Variants in NR1I3 observed in about 807,000 individuals in gnomAD.
NR1I3 encodes nuclear receptor subfamily 1 group I member 3, also known as constitutive activator of retinoid response.
NR1I3 carries 30 observed loss-of-function variants against 38.4 expected under a neutral mutation model. The observed-to-expected ratio is 0.78, with a 90% CI of 0.58 to 1.06. The LOEUF is 1.06. Among genes scored for constraint, NR1I3 ranks in the 50% least tolerant of loss-of-function variants. The pLI is 0.00. For synonymous variants in NR1I3, 143 were observed against 165.1 expected (o/e 0.87, Z 1.03); for missense variants, 388 against 435.7 (o/e 0.89, Z 0.97).
At chr1:161,237,974 A>C (rs1245838451) in intron 1 of NR1I3, 67 bp downstream of exon 1, 7 of 1,486,754 alleles carry the variant, frequency 4.7e-6, no homozygotes, top group Non-Finnish European at 6.6e-6. Context: ...GTGAGCCACT[A>C]TGCCTAGCCC....
At position 161,231,187 on chromosome 1, in the gene NR1I3, T is replaced by C. The variant is rs1190571480; in HGVS notation, c.741A>G (p.Gly247=). ...EFLELLFHFH[G]TLRKLQLQEP... is the part of the protein sequence containing the mutation. ...CTTGGAGCTGCAGTTTTCGTAGTGT[T>C]CCATGGAAGTGAAAGAGCAACTCCA... The change falls in exon 7 of 9, where the codon GGA becomes GGG. Residue 247 remains glycine (G), a synonymous_variant. Coordinates refer to ENST00000367983, the MANE Select transcript of NR1I3 (RefSeq NM_005122.5). The C allele has an allele frequency of 1.9e-6, 3 of 1,614,044 alleles. 1 individual carries two copies. In the South Asian group the frequency reaches 3.3e-5, roughly 18 times the overall value.
Position 161,235,937 on chromosome 1 carries a change from C to T in NR1I3, c.148G>A (p.Ala50Thr), listed in dbSNP as rs752292550. Reference protein sequence around the residue: ...SKSIGPTCPFAGSCEVSKTQR... With the variant: ...SKSIGPTCPFTGSCEVSKTQR... ...GTCTTGCTGACTTCACAGCTTCCAG[C>T]AAAGGGGCAGGTGGGACCAATGCTT... Residue 50 changes from alanine (A) to threonine (T), a missense_variant, in exon 3 of 9, where the codon GCT (alanine) becomes ACT (threonine). By Grantham distance (58) the Ala-to-Thr change is moderately conservative. Coordinates refer to ENST00000367983, the MANE Select transcript of NR1I3 (RefSeq NM_005122.5). The T allele has an allele frequency of 6.2e-7, 1 of 1,611,606 alleles. No individual in the cohort carries two copies. The highest frequency in any genetic ancestry group is 1.1e-5 in the South Asian group (1 of 90,712).
chr1:161,233,885 GTGTATA>G (rs1355353143), intron 3 of NR1I3, among the ~76,000 whole-genome samples: 19 of 115,616 alleles, frequency 1.6e-4, no homozygotes, highest in African/African-American at 4.0e-4. Context: ...GTGTGTGTGT[GTGTATA>G]TGTGTGTGTA....
At chr1:161,236,182 G>T (rs1668577152) in intron 2 of NR1I3, 1 of 661,444 alleles carries the variant, frequency 1.5e-6, no homozygotes, top group East Asian at 2.8e-5. Flanking sequence ...AGTTGATGTA[G>T]TACTAGCTAG....
chr1:161,230,587 T>TA (rs66513069), intron 8 of NR1I3: 1,640 of 538,458 alleles, frequency 3.0e-3, no homozygotes, highest in Middle Eastern at 4.6e-3. Context: ...CTGTACTGAA[T>TA]AAAAAAAAAA....
At position 161,231,232 on chromosome 1, in the gene NR1I3, C is replaced by T; in HGVS notation, c.696G>A (p.Val232=). 6.2e-7 allele frequency: 1 copy of T among 1,614,126 alleles called. No homozygotes were observed. The highest frequency in any genetic ancestry group is 8.5e-7 in the Non-Finnish European group (1 of 1,180,036). Residue 232 remains valine, a splice_region_variant and synonymous_variant, in exon 7 of 9, where the codon GTG becomes GTA. Coordinates refer to ENST00000367983, the MANE Select transcript of NR1I3 (RefSeq NM_005122.5). ...ACTCCAAAAACTCTACCTGGAACCC[C>T]ACTGTGGGAGATACTAGGATTAGGA... ...LRYTIEDGAR[V]GFQVEFLELL...
intron 8 of NR1I3, chr1:161,230,295 CT>C (rs1666870349): frequency 6.8e-6 from 2 of 293,656 alleles, no homozygotes; most frequent in African/African-American, 4.4e-5. Flanking sequence ...TCTGGCCAAA[CT>C]AGCTCTTGGA....
chr1:161,231,131 G>T lies in NR1I3; in HGVS notation c.797C>A (p.Ala266Asp). The T allele has an allele frequency of 6.2e-7, 1 of 1,614,120 alleles. No homozygotes were observed. Among genetic ancestry groups the T allele is most frequent in the African/African-American group, 1.3e-5 (1 of 75,040 alleles). Residue 266 changes from alanine (A) to aspartate (D), a missense_variant, in exon 7 of 9, where the codon GCC (alanine) becomes GAC (aspartate). Physicochemically the swap from Ala to Asp is moderately radical, Grantham distance 126 (BLOSUM62 -2). Coordinates refer to ENST00000367983, the MANE Select transcript of NR1I3 (RefSeq NM_005122.5). Reference protein sequence around the residue: ...EPEYVLLAAMALFSPDRPGVT... With the variant: ...EPEYVLLAAMDLFSPDRPGVT... ...GAGGTGCTCACCAGGAGAGAAGAGGGCCATGGCAGCCAAGAGCACATACTC... is the reference window on the plus strand; with the variant it reads ...GAGGTGCTCACCAGGAGAGAAGAGGTCCATGGCAGCCAAGAGCACATACTC...
chr1:161,233,349 C>T lies in NR1I3; in HGVS notation c.239-11G>A. 6.2e-7 allele frequency: 1 copy of T among 1,611,490 alleles called. No individual in the cohort carries two copies. ...CTGCCGACAGTATCACTGTGCCAGG[C>T]AAGAGATCATGACAAAGCTGTTGAG... On this transcript the variant is annotated splice_polypyrimidine_tract_variant and intron_variant, in intron 3 of 8. Coordinates refer to ENST00000367983, the MANE Select transcript of NR1I3 (RefSeq NM_005122.5).
intron 5 of NR1I3, 86 bp downstream of exon 5, chr1:161,232,721 G>T: frequency 7.5e-7 from 1 of 1,339,640 alleles, no homozygotes; most frequent in East Asian, 2.3e-5. Context: ...TGACGCATGT[G>T]ATAATTTGTA....
chr1:161,230,869 CT>C lies in NR1I3; in HGVS notation c.860del (p.Glu287GlyfsTer4), dbSNP rs769443369. ...TGTAGCTTTGCAGAGTCAGTGCCAT[CT>C]CCTCTTGCAGCTGATCAATCTCATC... Reference protein sequence around the residue: ...QRDEIDQLQEEMALTLQSYIK... With the variant: ...QRDEIDQLQEXMALTLQSYIK... On this transcript the variant is annotated frameshift_variant, in exon 8 of 9. Coordinates refer to ENST00000367983, the MANE Select transcript of NR1I3 (RefSeq NM_005122.5). LOFTEE classifies it high-confidence loss of function. The C allele has an allele frequency of 4.3e-6, 7 of 1,614,058 alleles. No individual in the cohort carries two copies. Among genetic ancestry groups the C allele is most frequent in the Non-Finnish European group, 4.2e-6 (5 of 1,180,040 alleles).
chr1:161,233,833 ATATATGTGTGTG>A (rs1211178406), intron 3 of NR1I3, among the ~76,000 whole-genome samples: 103 of 110,694 alleles, frequency 9.3e-4, no homozygotes, highest in African/African-American at 3.5e-3. Context: ...TTCATCATAT[ATATATGTGTGTG>A]TGTGTGTGTG....
rs1571748096 is a variant in NR1I3, at chr1:161,235,946, A to G, written c.139T>C (p.Cys47Arg). 6.2e-7 allele frequency: 1 copy of G among 1,608,400 alleles called. No homozygotes were observed. The highest frequency in any genetic ancestry group is 8.5e-7 in the Non-Finnish European group (1 of 1,177,540). ...RTVSKSIGPT[C>R]PFAGSCEVSK... ...ACTTCACAGCTTCCAGCAAAGGGGC[A>G]GGTGGGACCAATGCTTTTGCTGACT... The change falls in exon 3 of 9, where the codon TGC (cysteine) becomes CGC (arginine). Residue 47 changes from cysteine (C) to arginine (R), a missense_variant. By Grantham distance (180) the Cys-to-Arg change is radical. Transcript: ENST00000367983.
At chr1:161,233,903 A>ATGTG (rs1667989866) in intron 3 of NR1I3, among the ~76,000 whole-genome samples, 1 of 147,668 alleles carries the variant, frequency 6.8e-6, no homozygotes, top group East Asian at 2.0e-4. Context: ...GTGTGTGTAT[A>ATGTG]TATATGTGTA....
chr1:161,236,193 G>A, intron 2 of NR1I3: 1 of 644,938 alleles, frequency 1.6e-6, no homozygotes, highest in Non-Finnish European at 2.6e-6. Flanking sequence ...TACTAGCTAG[G>A]TGCTTCACAG....
At chr1:161,236,726 G>GTTTTCT (rs113093711) in intron 1 of NR1I3, 128 bp from the exon 2 acceptor site, 542,987 of 588,670 alleles carry the variant, frequency 0.92, 255,878 homozygotes, top group East Asian at 0.99. Context: ...ATCTTTTGTG[G>GTTTTCT]TTTTCTTTTT....
intron 3 of NR1I3, among the ~76,000 whole-genome samples, chr1:161,234,808 CATTA>C (rs1261723775): frequency 6.6e-6 from 1 of 152,164 alleles, no homozygotes; most frequent in Admixed American, 6.6e-5. Context: ...ACAGAGAAAG[CATTA>C]ATTAAGTTAT....
rs142842008 is a variant in NR1I3, at chr1:161,235,906, C to T, written c.179G>A (p.Arg60Lys). The T allele has an allele frequency of 3.1e-6, 5 of 1,613,920 alleles. No homozygotes were observed. Among genetic ancestry groups the T allele is most frequent in the East Asian group, 2.2e-5 (1 of 44,888 alleles). ...AGSCEVSKTQ[R>K]RHCPACRLQK... is the part of the protein sequence containing the mutation. ...CAACCTGCAGGCTGGGCAGTGGCGC[C>T]TCTGAGTCTTGCTGACTTCACAGCT... Residue 60 changes from arginine to lysine, a missense_variant, in exon 3 of 9, where the codon AGG becomes AAG. Arg to Lys is a conservative substitution (Grantham distance 26). Transcript: ENST00000367983.
At chr1:161,237,812 G>C (rs142734026) in intron 1 of NR1I3, among the ~76,000 whole-genome samples, 2 of 152,270 alleles carry the variant, frequency 1.3e-5, no homozygotes, top group African/African-American at 2.4e-5. Context: ...GCTTCCCAAA[G>C]TGCTGGGATT....
Sources: allele counts gnomAD v4.1 joint callset (sites outside exome capture counted in the v4.1 genomes callset), GRCh38; gene constraint gnomAD v4.1.1; transcripts MANE v1.5; gene names NCBI Gene and HGNC (gene_info 2026-07-23, HGNC 2026-07-21).